The following CCDC150 variants were observed in gnomAD, a reference collection of about 807,000 sequenced individuals.
CCDC150 encodes coiled-coil domain-containing protein 150.
Under a neutral mutation model 156.5 loss-of-function variants are expected in CCDC150, and 151 were observed. The observed-to-expected ratio is 0.97, with a 90% confidence interval of 0.85 to 1.10. CCDC150 has a LOEUF of 1.10. Among genes scored for constraint, CCDC150 ranks in the 50% least tolerant of loss-of-function variants. The probability of loss-of-function intolerance (pLI) is 0.00; values close to 1 mark genes in which losing one functional copy is unlikely to be tolerated. For synonymous variants in CCDC150, 452 were observed against 429.4 expected (o/e 1.05, Z -0.65); for missense variants, 1,312 against 1,268.1 (o/e 1.03, Z -0.53).
intron 14 of CCDC150, among the ~76,000 whole-genome samples, chr2:196,699,716 T>C (rs1045646184): frequency 6.6e-6 from 1 of 152,146 alleles, no homozygotes; most frequent in African/African-American, 2.4e-5. Flanking sequence ...GACAGGGTTT[T>C]GCTATGTTGA....
intron 5 of CCDC150, among the ~76,000 whole-genome samples, chr2:196,662,558 A>C (rs902899508): frequency 4.6e-5 from 7 of 152,178 alleles, no homozygotes; most frequent in Non-Finnish European, 8.8e-5. Context: ...CAGGAGGCGG[A>C]GCCCAGGTGG....
intron 13 of CCDC150, among the ~76,000 whole-genome samples, chr2:196,683,555 T>C (rs1311772001): frequency 1.3e-5 from 2 of 152,114 alleles, no homozygotes; most frequent in African/African-American, 2.4e-5. Context: ...TCCATTTCTA[T>C]TGTTGGGAAG....
chr2:196,681,535 ACT>A (rs948702918), intron 13 of CCDC150, among the ~76,000 whole-genome samples: 4 of 152,234 alleles, frequency 2.6e-5, no homozygotes, highest in African/African-American at 9.6e-5. Flanking sequence ...TTTATGCTTA[ACT>A]CTGAGGAATC....
chr2:196,640,660 G>A (rs144833778), intron 1 of CCDC150, among the ~76,000 whole-genome samples: 1 of 152,334 alleles, frequency 6.6e-6, no homozygotes, highest in Admixed American at 6.5e-5. Flanking sequence ...CAAAAACCCT[G>A]TAGTAATCTT....
At chr2:196,670,099 CTT>C (rs1694113637) in intron 8 of CCDC150, among the ~76,000 whole-genome samples, 1 of 151,894 alleles carries the variant, frequency 6.6e-6, no homozygotes, top group South Asian at 2.1e-4. Flanking sequence ...AAAAATAAGA[CTT>C]ATTTGTGTTT....
chr2:196,711,167 G>GCACA (rs1697087223), intron 15 of CCDC150, among the ~76,000 whole-genome samples: 1 of 152,122 alleles, frequency 6.6e-6, no homozygotes, highest in African/African-American at 2.4e-5. Context: ...AGTACACAGG[G>GCACA]CACAGCCTGA....
chr2:196,713,046 G>A (rs570770175), intron 17 of CCDC150: 13 of 466,360 alleles, frequency 2.8e-5, no homozygotes, highest in Admixed American at 1.5e-4. Context: ...ACTAAAATAT[G>A]TTTTCAAATG....
intron 15 of CCDC150, among the ~76,000 whole-genome samples, chr2:196,706,352 A>G (rs1358456669): frequency 6.6e-6 from 1 of 152,206 alleles, no homozygotes; most frequent in African/African-American, 2.4e-5. Flanking sequence ...TGATTTTTGC[A>G]CATTGATTTT....
chr2:196,668,741 A>G (rs1559227756), intron 7 of CCDC150, among the ~76,000 whole-genome samples: 1 of 152,186 alleles, frequency 6.6e-6, no homozygotes, highest in East Asian at 1.9e-4. Flanking sequence ...AGTACTTAAG[A>G]TGAATAAATT....
At chr2:196,702,096 T>C (rs4850725) in intron 15 of CCDC150, among the ~76,000 whole-genome samples, 152,181 of 152,218 alleles carry the variant, frequency 1, 76,072 homozygotes, top group Non-Finnish European at 1. Flanking sequence ...ATTAGGCAAG[T>C]GTGATGGCAA....
intron 5 of CCDC150, 27 bp from the exon 6 acceptor site, chr2:196,665,540 T>G (rs368240597): frequency 7.2e-7 from 1 of 1,388,050 alleles, no homozygotes; most frequent in African/African-American, 1.4e-5. Flanking sequence ...TCAATTGGTC[T>G]TGCCTAACTG....
intron 13 of CCDC150, among the ~76,000 whole-genome samples, chr2:196,693,528 C>G (rs1347825976): frequency 6.6e-6 from 1 of 152,206 alleles, no homozygotes; most frequent in African/African-American, 2.4e-5. Flanking sequence ...CACTCACTTA[C>G]TCTAGCATCT....
chr2:196,727,966 C>T (rs753425972), intron 22 of CCDC150: 2 of 141,358 alleles, frequency 1.4e-5, no homozygotes, highest in Non-Finnish European at 3.0e-5. Context: ...GAGCTGAGAT[C>T]GCACCACTGC....
In CCDC150 at chr2:196,724,704, T is replaced by A. The variant is rs781499909; in HGVS notation, c.2430-1269T>A. On this transcript the variant is annotated intron_variant, in intron 21 of 27. Transcript: ENST00000389175. ...ACTTATAGTCTTAATCATTTTGATA[T>A]AATCACAATAAATTTAAAGGCAATT... 2.6e-5 allele frequency among the ~76,000 whole-genome samples: 4 copies of A among 152,332 alleles called. No individual in the cohort carries two copies. The East Asian group carries it at 7.7e-4, about 29-fold the overall frequency.
chr2:196,662,084 A>G (rs1334466125), intron 5 of CCDC150, among the ~76,000 whole-genome samples: 3 of 152,192 alleles, frequency 2.0e-5, no homozygotes, highest in African/African-American at 7.2e-5. Context: ...AATTTGATAT[A>G]AAGTTTAGGA....
intron 17 of CCDC150, chr2:196,713,338 T>C: frequency 6.9e-7 from 1 of 1,444,848 alleles, no homozygotes; most frequent in Non-Finnish European, 9.1e-7. Context: ...GATTTTATTG[T>C]TTTTATTAAT....
At chr2:196,646,308 C>A (rs748898120) in intron 1 of CCDC150, 33 bp from the exon 2 acceptor site, 3 of 1,602,028 alleles carry the variant, frequency 1.9e-6, no homozygotes, top group Non-Finnish European at 2.6e-6. Context: ...AATAATAGGA[C>A]CTACCACACT....
chr2:196,706,135 C>G (rs901592284), intron 15 of CCDC150, among the ~76,000 whole-genome samples: 6 of 152,156 alleles, frequency 3.9e-5, no homozygotes, highest in Admixed American at 2.0e-4. Flanking sequence ...GGCAGTATGG[C>G]CATACGGCAT....
chr2:196,711,277 A>G (rs905935053), intron 15 of CCDC150, among the ~76,000 whole-genome samples: 1 of 152,232 alleles, frequency 6.6e-6, no homozygotes, highest in Admixed American at 6.5e-5. Context: ...ACTGTCACCC[A>G]CAAGGCTAAT....
Sources: allele counts gnomAD v4.1 joint callset (sites outside exome capture counted in the v4.1 genomes callset), GRCh38; gene constraint gnomAD v4.1.1; transcripts MANE v1.5; gene names NCBI Gene and HGNC (gene_info 2026-07-23, HGNC 2026-07-21).